The following PICALM variants were observed in gnomAD, a reference collection of about 807,000 sequenced individuals.
The protein encoded by PICALM is phosphatidylinositol-binding clathrin assembly protein.
PICALM carries 40 observed loss-of-function variants against 80.5 expected under a neutral mutation model. The ratio of observed to expected loss-of-function variants is 0.50; its 90% CI spans 0.39 to 0.65. PICALM has a LOEUF of 0.65. PICALM is among the 30% of genes least tolerant of loss of function. The pLI, the probability that PICALM is intolerant of heterozygous loss-of-function variation, is 0.00. For missense variants in PICALM, 676 were observed against 778.9 expected, an observed-to-expected ratio of 0.87 and a Z score of 1.57; for synonymous variants, 288 against 260.3, an observed-to-expected ratio of 1.11 and a Z score of -1.02.
intron 1 of PICALM, among the ~76,000 whole-genome samples, chr11:86,034,901 A>G (rs1041038356): frequency 2.6e-5 from 4 of 152,206 alleles, no homozygotes; most frequent in African/African-American, 9.7e-5. Context: ...AGGTAGATAA[A>G]GCTGATGTTA....
chr11:86,018,215 A>T (rs1352008619), intron 4 of PICALM, among the ~76,000 whole-genome samples: 1 of 152,222 alleles, frequency 6.6e-6, no homozygotes, highest in Admixed American at 6.5e-5. Context: ...GAAGCTGTCA[A>T]TGGACATCAA....
At chr11:86,002,778 T>G (rs2095178217) in intron 9 of PICALM, among the ~76,000 whole-genome samples, 1 of 152,286 alleles carries the variant, frequency 6.6e-6, no homozygotes, top group Admixed American at 6.5e-5. Flanking sequence ...TTTGGGAGGC[T>G]GAGGTGTGCA....
In PICALM at chr11:85,986,686, G is replaced by A. The variant is rs150462022; in HGVS notation, c.1409-2713C>T. On this transcript the variant is annotated intron_variant, in intron 13 of 19. Coordinates refer to ENST00000393346, the MANE Select transcript of PICALM (RefSeq NM_007166.4). ...ATTACAGGCGTGAGCCACCGCGCCC[G>A]GCCCTCGCCAACTTTTAATTTTTAA... 4.7e-3 allele frequency among the ~76,000 whole-genome samples: 722 copies of A among 152,188 alleles called. 5 individuals are homozygous for A. The highest frequency in any genetic ancestry group is 0.017 in the African/African-American group (688 of 41,506).
intron 1 of PICALM, among the ~76,000 whole-genome samples, chr11:86,057,587 ATGTG>A (rs144096578): frequency 8.0e-5 from 12 of 150,836 alleles, no homozygotes; most frequent in Non-Finnish European, 1.3e-4. Context: ...ATAAAAAATT[ATGTG>A]TGTGTGTGTG....
At chr11:86,048,837 CAAAAAAAAAAA>C (rs36076234) in intron 1 of PICALM, among the ~76,000 whole-genome samples, 2 of 102,046 alleles carry the variant, frequency 2.0e-5, no homozygotes, top group Non-Finnish European at 3.9e-5. Context: ...AACTCCGTCT[CAAAAAAAAAAA>C]AAAAAAAAAA....
At chr11:86,025,608 G>C (rs577751109) in intron 3 of PICALM, among the ~76,000 whole-genome samples, 65 of 151,794 alleles carry the variant, frequency 4.3e-4, no homozygotes, top group Non-Finnish European at 8.0e-4. Context: ...ACCCAGGCTG[G>C]AGTGCAGTGG....
At chr11:86,035,304 A>C (rs1335855968) in intron 1 of PICALM, among the ~76,000 whole-genome samples, 1 of 152,144 alleles carries the variant, frequency 6.6e-6, no homozygotes, top group African/African-American at 2.4e-5. Flanking sequence ...AGAAACTTAA[A>C]TTAGGACACT....
At chr11:86,057,006 C>T (rs72950443) in intron 1 of PICALM, among the ~76,000 whole-genome samples, 24,001 of 151,838 alleles carry the variant, frequency 0.16, 2,439 homozygotes, top group Middle Eastern at 0.24. Context: ...GCAGGGGGGC[C>T]GAGGAGAGCT....
chr11:86,000,966 G>T, intron 10 of PICALM, 69 bp downstream of exon 10: 3 of 1,574,462 alleles, frequency 1.9e-6, no homozygotes, highest in Admixed American at 1.7e-5. Context: ...CTAAGTCTGT[G>T]CAGAGGCCCC....
intron 1 of PICALM, among the ~76,000 whole-genome samples, chr11:86,066,628 G>C (rs150207904): frequency 0.01 from 1,513 of 151,256 alleles, 28 homozygotes; most frequent in African/African-American, 0.032. Context: ...TGCTACATTT[G>C]AAATAAGACA....
chr11:85,967,634 T>C (rs937960630), intron 19 of PICALM, among the ~76,000 whole-genome samples: 2 of 152,172 alleles, frequency 1.3e-5, no homozygotes, highest in African/African-American at 2.4e-5. Context: ...AAAGCCTTCT[T>C]CACAGAAATC....
At chr11:86,027,951 C>T (rs913214003) in intron 2 of PICALM, among the ~76,000 whole-genome samples, 1 of 152,094 alleles carries the variant, frequency 6.6e-6, no homozygotes, top group Admixed American at 6.5e-5. Flanking sequence ...ATAAAAATAT[C>T]GTAAGACAAT....
chr11:85,975,352 A>G (rs1256840371), intron 18 of PICALM, among the ~76,000 whole-genome samples: 1 of 152,194 alleles, frequency 6.6e-6, no homozygotes, highest in Non-Finnish European at 1.5e-5. Context: ...TTTCTTGAGT[A>G]ACTGAAAATA....
chr11:86,062,610 C>T (rs201643612), intron 1 of PICALM, among the ~76,000 whole-genome samples: 6 of 151,816 alleles, frequency 4.0e-5, no homozygotes, highest in African/African-American at 1.2e-4. Flanking sequence ...GTACCACTTT[C>T]GTGGGGGATA....
intron 1 of PICALM, among the ~76,000 whole-genome samples, chr11:86,040,917 T>C (rs2095952306): frequency 6.6e-6 from 1 of 152,114 alleles, no homozygotes; most frequent in Non-Finnish European, 1.5e-5. Context: ...ACTGAGGTCT[T>C]TGGGGGTAAA....
At chr11:86,045,849 T>C (rs1479532281) in intron 1 of PICALM, among the ~76,000 whole-genome samples, 2 of 152,158 alleles carry the variant, frequency 1.3e-5, no homozygotes, top group East Asian at 1.9e-4. Context: ...CATTCTACAG[T>C]ACCAATCTTT....
rs1257624730 is a variant in PICALM, at chr11:85,983,757, G to A, written c.1516+109C>T. The A allele has an allele frequency of 1.4e-5, 7 of 508,294 alleles. No homozygotes were observed. In the South Asian group the frequency reaches 1.5e-4, roughly 11 times the overall value. The allele number at this position is 508,294 out of a possible 1,614,324, so 31.5% of individuals were successfully genotyped here. On this transcript the variant is annotated intron_variant, in intron 14 of 19. Transcript: ENST00000393346. The stretch of plus-strand genomic sequence containing the variant: ...TTGGGGGGATGGGACAATTTCTTTG[G>A]CTACCCCAGTTTAATATATCTAAAC...
At chr11:86,052,619 T>C (rs1179300210) in intron 1 of PICALM, among the ~76,000 whole-genome samples, 1 of 152,196 alleles carries the variant, frequency 6.6e-6, no homozygotes, top group African/African-American at 2.4e-5. Context: ...CAGCAAAATC[T>C]CATCTCAGCT....
chr11:86,047,398 C>T (rs934689774), intron 1 of PICALM, among the ~76,000 whole-genome samples: 3 of 152,254 alleles, frequency 2.0e-5, no homozygotes, highest in Non-Finnish European at 4.4e-5. Context: ...ACACATTATT[C>T]AACTCAAGTT....
Sources: allele counts gnomAD v4.1 joint callset (sites outside exome capture counted in the v4.1 genomes callset), GRCh38; gene constraint gnomAD v4.1.1; transcripts MANE v1.5; gene names NCBI Gene and HGNC (gene_info 2026-07-23, HGNC 2026-07-21).